The following ADSS2 variants were observed in gnomAD, a reference collection of about 807,000 sequenced individuals.
The protein encoded by ADSS2 is adenylosuccinate synthase 2.
ADSS2 carries 30 observed loss-of-function variants against 60.0 expected under a neutral mutation model. The ratio of observed to expected loss-of-function variants is 0.50; its 90% confidence interval spans 0.37 to 0.68. The LOEUF is 0.68. Among genes scored for constraint, ADSS2 ranks in the 30% least tolerant of loss-of-function variants. The probability of loss-of-function intolerance (pLI) is 0.00; values close to 1 mark genes in which losing one functional copy is unlikely to be tolerated. For synonymous variants in ADSS2, 187 were observed against 193.1 expected (o/e 0.97, Z 0.26); for missense variants, 373 against 554.8 (o/e 0.67, Z 3.29).
At chr1:244,450,473 C>T (rs1188407435) in intron 1 of ADSS2, among the ~76,000 whole-genome samples, 2 of 152,224 alleles carry the variant, frequency 1.3e-5, no homozygotes, top group Non-Finnish European at 2.9e-5. Context: ...AGCTTTTTAA[C>T]ATACCTGTGA....
intron 11 of ADSS2, among the ~76,000 whole-genome samples, chr1:244,415,540 T>C (rs1664509110): frequency 2.0e-5 from 3 of 152,142 alleles, no homozygotes; most frequent in Admixed American, 2.0e-4. Context: ...ATGACTACTA[T>C]AGAATAAAGA....
intron 1 of ADSS2, among the ~76,000 whole-genome samples, chr1:244,441,984 T>C (rs1206087420): frequency 6.6e-6 from 1 of 152,056 alleles, no homozygotes; most frequent in Non-Finnish European, 1.5e-5. Flanking sequence ...TTTTAAAAAA[T>C]TCATCATTTG....
upstream of ADSS2, chr1:244,452,013 T>C: frequency 2.1e-6 from 1 of 482,166 alleles, no homozygotes; most frequent in South Asian, 4.5e-5. Flanking sequence ...GGGGGTACCA[T>C]GACTGCCCCG....
intron 1 of ADSS2, among the ~76,000 whole-genome samples, chr1:244,438,458 C>A (rs1265682465): frequency 6.6e-6 from 1 of 152,048 alleles, no homozygotes; most frequent in East Asian, 1.9e-4. Context: ...GAAGCTTATG[C>A]AGAAATAACA....
intron 1 of ADSS2, among the ~76,000 whole-genome samples, chr1:244,439,712 C>A (rs920826726): frequency 6.6e-6 from 1 of 152,218 alleles, no homozygotes; most frequent in Admixed American, 6.5e-5. Flanking sequence ...CAGCACAACA[C>A]CAGGACTTGC....
chr1:244,420,100 T>C (rs896048687), intron 8 of ADSS2, 70 bp downstream of exon 8: 1 of 1,466,298 alleles, frequency 6.8e-7, no homozygotes, highest in Admixed American at 2.1e-5. Context: ...AATGCTAACA[T>C]TAATTATTTA....
rs1553308065 is a variant in ADSS2 at position 244,435,194 on chromosome 1, A to AAAAAAAAAAAAAAC, written c.355+1630_355+1631insGTTTTTTTTTTTTT. 2.7e-4 allele frequency among the ~76,000 whole-genome samples: 34 copies of AAAAAAAAAAAAAAC among 127,898 alleles called. 3 individuals carry two copies. Among genetic ancestry groups the AAAAAAAAAAAAAAC allele is most frequent in the African/African-American group, 1.0e-3 (32 of 31,130 alleles). 83.9% of individuals were successfully genotyped at this position (127,898 alleles called of 152,430 possible). ...AAAAAAAAAAAAAAAAAAAAAAAAA[A>AAAAAAAAAAAAAAC]AAACAAACCTGAACATACTATAACA... is the stretch of plus-strand genomic sequence containing the variant. On this transcript the variant is annotated intron_variant, in intron 3 of 12. Coordinates refer to ENST00000366535, the MANE Select transcript of ADSS2 (RefSeq NM_001126.5).
chr1:244,413,762 C>T (rs768720075), intron 11 of ADSS2, among the ~76,000 whole-genome samples: 3 of 152,104 alleles, frequency 2.0e-5, no homozygotes, highest in Non-Finnish European at 4.4e-5. Context: ...GGAACAAAGA[C>T]TCTAGAAGTC....
At chr1:244,449,958 T>G (rs1264408001) in intron 1 of ADSS2, among the ~76,000 whole-genome samples, 2 of 152,226 alleles carry the variant, frequency 1.3e-5, no homozygotes, top group African/African-American at 4.8e-5. Flanking sequence ...CTCCATAGAA[T>G]ATTAAAATTG....
At chr1:244,450,449 C>T (rs1435149520) in intron 1 of ADSS2, among the ~76,000 whole-genome samples, 3 of 152,158 alleles carry the variant, frequency 2.0e-5, no homozygotes, top group Non-Finnish European at 4.4e-5. Flanking sequence ...AGAATATTTG[C>T]AGTATTTGCA....
intron 4 of ADSS2, 193 bp from the exon 5 acceptor site, chr1:244,424,580 C>T (rs753435720): frequency 3.4e-4 from 168 of 488,766 alleles, no homozygotes; most frequent in Non-Finnish European, 5.5e-4. Flanking sequence ...TCTGATCTTT[C>T]GTTCTTATTT....
At chr1:244,435,620 A>C (rs1438500713) in intron 3 of ADSS2, among the ~76,000 whole-genome samples, 3 of 145,794 alleles carry the variant, frequency 2.1e-5, no homozygotes, top group Non-Finnish European at 1.5e-5. Context: ...TTCCTCCTTC[A>C]TCCTCCTCCT....
intron 11 of ADSS2, among the ~76,000 whole-genome samples, chr1:244,414,536 T>C (rs1664484626): frequency 6.6e-6 from 1 of 152,194 alleles, no homozygotes; most frequent in African/African-American, 2.4e-5. Flanking sequence ...AGGGGGAGCC[T>C]TAGCTTAAAG....
chr1:244,440,520 C>T (rs1322017210), intron 1 of ADSS2, among the ~76,000 whole-genome samples: 1 of 152,146 alleles, frequency 6.6e-6, no homozygotes, highest in Admixed American at 6.5e-5. Flanking sequence ...TGATGGGCAA[C>T]ACCTTCAAGT....
chr1:244,447,334 T>C (rs139937894), intron 1 of ADSS2, among the ~76,000 whole-genome samples: 6 of 152,300 alleles, frequency 3.9e-5, no homozygotes, highest in Admixed American at 6.5e-5. Flanking sequence ...CAGTTTTTCT[T>C]AGAGATACTT....
At chr1:244,419,135 G>A (rs1572131729) in intron 8 of ADSS2, 2 of 415,700 alleles carry the variant, frequency 4.8e-6, no homozygotes, top group East Asian at 8.0e-5. Context: ...ATACAGAGAG[G>A]CTCCTTGAAT....
rs935658105 is a variant in ADSS2 at position 244,411,300 on chromosome 1, C to G, written c.1305G>C (p.Glu435Asp). 1 of 1,608,408 alleles carries G rather than the reference C, an allele frequency of 6.2e-7. No individual in the cohort carries two copies. Among genetic ancestry groups the G allele is most frequent in the South Asian group, 1.1e-5 (1 of 89,214 alleles). ...AQNYVRFIED[E>D]LQIPVKWIGV... ...GTTTATGTTTACCTGGAATTTGAAGCTCATCTTCAATAAATCGAACATAGT... is the reference window on the plus strand; with the variant it reads ...GTTTATGTTTACCTGGAATTTGAAGGTCATCTTCAATAAATCGAACATAGT... The change falls in exon 12 of 13, where the codon GAG (glutamate) becomes GAC (aspartate). Residue 435 changes from glutamate to aspartate, a missense_variant. Physicochemically the swap from Glu to Asp is conservative, Grantham distance 45. Around this residue, in one of 5 missense-constraint regions of ADSS2, gnomAD observed 130 missense variants for 169.4 expected, o/e 0.77. Coordinates refer to ENST00000366535, the MANE Select transcript of ADSS2 (RefSeq NM_001126.5).
chr1:244,417,411 T>A (rs1350836375), intron 10 of ADSS2, among the ~76,000 whole-genome samples: 1 of 152,168 alleles, frequency 6.6e-6, no homozygotes, highest in Admixed American at 6.5e-5. Context: ...AGTATCACGA[T>A]TCTTTTCAAC....
chr1:244,416,886 C>A (rs935191710), intron 10 of ADSS2, among the ~76,000 whole-genome samples: 1 of 152,144 alleles, frequency 6.6e-6, no homozygotes, highest in Non-Finnish European at 1.5e-5. Flanking sequence ...TCCCGACAAA[C>A]TGACTGGAAA....
Sources: gnomAD v4.1 joint callset for allele counts (sites outside exome capture counted in the v4.1 genomes callset) on GRCh38, gnomAD v4.1.1 for gene constraint, gnomAD v4.1.1 regional missense constraint, MANE v1.5 for transcripts, NCBI Gene and HGNC (gene_info 2026-07-23, HGNC 2026-07-21) for gene names.